The following DNAAF4 variants were observed in gnomAD, a reference collection of about 807,000 sequenced individuals.
DNAAF4 encodes the protein dynein axonemal assembly factor 4.
Under a neutral mutation model 51.8 loss-of-function variants are expected in DNAAF4, and 43 were observed. The ratio of observed to expected loss-of-function variants is 0.83; its 90% CI spans 0.65 to 1.07. The LOEUF is 1.07. Among genes scored for constraint, DNAAF4 ranks in the 50% least tolerant of loss-of-function variants. DNAAF4 has a pLI of 0.00. For synonymous variants in DNAAF4, 194 were observed against 165.6 expected (o/e 1.17, Z -1.32); for missense variants, 581 against 493.0 (o/e 1.18, Z -1.69).
chr15:55,422,799 C>T (rs1389039433), intron 7 of DNAAF4, among the ~76,000 whole-genome samples: 1 of 152,076 alleles, frequency 6.6e-6, no homozygotes, highest in African/African-American at 2.4e-5. Context: ...GCGTTTGAGA[C>T]CAACCTGGCC....
At chr15:55,491,551 A>T (rs537293462) in intron 3 of DNAAF4, among the ~76,000 whole-genome samples, 6 of 149,428 alleles carry the variant, frequency 4.0e-5, no homozygotes, top group African/African-American at 1.5e-4. Context: ...TGAAGGTGCA[A>T]GGACACATTT....
chr15:55,447,389 G>C (rs982943423), intron 6 of DNAAF4, among the ~76,000 whole-genome samples: 3 of 152,050 alleles, frequency 2.0e-5, no homozygotes, highest in African/African-American at 7.2e-5. Context: ...CCAGGCAGAG[G>C]CTGTAATCTT....
rs1041679563 is a variant in DNAAF4, at chr15:55,508,130, GA to G, written c.-265del. On this transcript the variant is annotated 5_prime_UTR_variant, in exon 1 of 10. An upstream open reading frame in the 5' UTR gains an earlier in-frame stop. Transcript: ENST00000321149. The stretch of plus-strand genomic sequence containing the variant: ...GGAAAGGGGAAACTTACAAAACCAA[GA>G]GAAAACACAGGTTTCCCCCTTCTCC... 4.6e-5 allele frequency: 7 copies of G among 152,204 alleles called. No individual in the cohort carries two copies. Among genetic ancestry groups the G allele is most frequent in the African/African-American group, 7.2e-5 (3 of 41,442 alleles). The allele number at this position is 152,204 out of a possible 1,614,324, so 9.4% of individuals were successfully genotyped here.
At chr15:55,470,137 C>T (rs1437847197) in intron 4 of DNAAF4, among the ~76,000 whole-genome samples, 7 of 152,004 alleles carry the variant, frequency 4.6e-5, no homozygotes, top group Admixed American at 1.3e-4. Flanking sequence ...CTGCAACCTC[C>T]GCCTCCCAGG....
At chr15:55,442,891 G>A (rs1220422859) in intron 6 of DNAAF4, 1 of 1,612,074 alleles carries the variant, frequency 6.2e-7, no homozygotes, top group Non-Finnish European at 8.5e-7. Flanking sequence ...GGTTGCAATG[G>A]CACCTCCATG....
rs1043663652 is a variant in DNAAF4, at chr15:55,443,988, T to C, written c.784-4407A>G. Among the ~76,000 whole-genome samples, 19 of 152,260 alleles carry C rather than the reference T, an allele frequency of 1.2e-4. No individual in the cohort carries two copies. The East Asian group carries it at 1.3e-3, about 11-fold the overall frequency. On this transcript the variant is annotated intron_variant, in intron 6 of 9. Transcript: ENST00000321149. ...ATTGCAAAAATTTTCTCCCATTCTG[T>C]AGGTTGCCTGTTCACTCTGATGGTA... is the stretch of plus-strand genomic sequence containing the variant.
At chr15:55,447,552 T>C (rs1181760127) in intron 6 of DNAAF4, among the ~76,000 whole-genome samples, 1 of 150,864 alleles carries the variant, frequency 6.6e-6, no homozygotes, top group Non-Finnish European at 1.5e-5. Flanking sequence ...GGCGGGCAGA[T>C]CAGGAGCTGG....
chr15:55,494,017 T>G (rs1031572623), intron 3 of DNAAF4, among the ~76,000 whole-genome samples: 3 of 151,738 alleles, frequency 2.0e-5, no homozygotes, highest in African/African-American at 7.3e-5. Flanking sequence ...AAAACTGAGT[T>G]TGATTTCTTT....
chr15:55,496,278 T>G (rs1387390604), intron 3 of DNAAF4, among the ~76,000 whole-genome samples: 1 of 152,158 alleles, frequency 6.6e-6, no homozygotes, highest in Non-Finnish European at 1.5e-5. Context: ...GGCTGCACAT[T>G]ATAATTCCTG....
chr15:55,476,845 T>C (rs1009231813), intron 4 of DNAAF4, among the ~76,000 whole-genome samples: 17 of 152,096 alleles, frequency 1.1e-4, no homozygotes, highest in African/African-American at 3.6e-4. Context: ...TATTGTTTAA[T>C]GGGTACAGAG....
At position 55,497,774 on chromosome 15, in the gene DNAAF4, G is replaced by A; in HGVS notation, c.209C>T (p.Thr70Ile). 6.2e-7 allele frequency: 1 copy of A among 1,614,058 alleles called. No individual in the cohort carries two copies. The highest frequency in any genetic ancestry group is 1.1e-5 in the South Asian group (1 of 91,050). ...ESSKAKIGNDTIVFTLYKKEA... is the reference protein window; with the variant it reads ...ESSKAKIGNDIIVFTLYKKEA... ...TTTTTTATACAAGGTGAAGACAATG[G>A]TGTCATTCCCAATCTTTGCTTTGCT... Residue 70 changes from threonine (T) to isoleucine (I), a missense_variant, in exon 3 of 10, where the codon ACC becomes ATC. Physicochemically the swap from Thr to Ile is moderately conservative, Grantham distance 89 (BLOSUM62 -1). Transcript: ENST00000321149.
rs1220648559 is a variant in DNAAF4, at chr15:55,467,042, A to G, written c.525T>C (p.Ile175=). The change falls in exon 5 of 10, where the codon ATT becomes ATC. Residue 175 remains isoleucine (I), a synonymous_variant. Coordinates refer to ENST00000321149, the MANE Select transcript of DNAAF4 (RefSeq NM_130810.4). ...YQRKAEEQKK[I]QREEKLCQKE... is the part of the protein sequence containing the mutation. Reference sequence around the variant, plus strand: ...TTTGACATAATTTCTCTTCTCTCTGAATTTTTTTTTGCTCCTCAGCTTTTC... The same window carrying G: ...TTTGACATAATTTCTCTTCTCTCTGGATTTTTTTTTGCTCCTCAGCTTTTC... 7.7e-6 allele frequency: 12 copies of G among 1,560,406 alleles called. No homozygotes were observed. Among genetic ancestry groups the G allele is most frequent in the African/African-American group, 1.4e-5 (1 of 72,006 alleles).
intron 5 of DNAAF4, among the ~76,000 whole-genome samples, chr15:55,451,388 T>C (rs534386535): frequency 7.9e-5 from 12 of 152,322 alleles, no homozygotes; most frequent in African/African-American, 2.9e-4. Context: ...CCAATAATTT[T>C]ATATCCAAGT....
chr15:55,470,018 A>C (rs1375727052), intron 4 of DNAAF4, among the ~76,000 whole-genome samples: 1 of 151,244 alleles, frequency 6.6e-6, no homozygotes, highest in African/African-American at 2.4e-5. Context: ...TCAATGGCTC[A>C]CAGGAATCAG....
At chr15:55,469,361 A>C (rs2058216454) in intron 4 of DNAAF4, among the ~76,000 whole-genome samples, 1 of 151,742 alleles carries the variant, frequency 6.6e-6, no homozygotes. Flanking sequence ...AGAAAAAGAA[A>C]AACAGAGTGT....
chr15:55,475,676 A>G (rs1169907641), intron 4 of DNAAF4, among the ~76,000 whole-genome samples: 3 of 152,178 alleles, frequency 2.0e-5, no homozygotes, highest in Admixed American at 1.3e-4. Flanking sequence ...ATTTTGGAGC[A>G]TTTCAGATTT....
intron 4 of DNAAF4, among the ~76,000 whole-genome samples, chr15:55,472,653 G>A (rs904035069): frequency 6.6e-6 from 1 of 152,000 alleles, no homozygotes; most frequent in Non-Finnish European, 1.5e-5. Context: ...TTAGGTGTTT[G>A]TACTGTTCAA....
intron 3 of DNAAF4, among the ~76,000 whole-genome samples, chr15:55,493,072 T>A (rs538024843): frequency 6.6e-6 from 1 of 152,170 alleles, no homozygotes; most frequent in African/African-American, 2.4e-5. Flanking sequence ...TGGGAGGTAG[T>A]GTCCTTATAC....
intron 4 of DNAAF4, 62 bp from the exon 5 acceptor site, chr15:55,467,223 G>C: frequency 7.5e-7 from 1 of 1,342,260 alleles, no homozygotes. Flanking sequence ...ATTTAAATGA[G>C]AAATTCATTA....
Sources: allele counts gnomAD v4.1 joint callset (sites outside exome capture counted in the v4.1 genomes callset), GRCh38; gene constraint gnomAD v4.1.1; transcripts MANE v1.5; gene names NCBI Gene and HGNC (gene_info 2026-07-23, HGNC 2026-07-21).